MCF2L2: variants seen among roughly 807,000 people sequenced by gnomAD.
The protein encoded by MCF2L2 is MCF.2 cell line derived transforming sequence-like 2, also known as probable guanine nucleotide exchange factor MCF2L2.
In MCF2L2, 102 loss-of-function variants were observed where a neutral mutation model predicts 150.2. The ratio of observed to expected loss-of-function variants is 0.68; its 90% CI spans 0.58 to 0.80. The LOEUF is 0.80. MCF2L2 is among the 30% of genes least tolerant of loss of function. The pLI is 0.00. For missense variants in MCF2L2, 1,256 were observed against 1,372.8 expected (o/e 0.91, Z 1.34); for synonymous variants, 465 against 491.3 (o/e 0.95, Z 0.71).
At chr3:183,232,778 A>G (rs896723255) in intron 15 of MCF2L2, among the ~76,000 whole-genome samples, 3 of 152,232 alleles carry the variant, frequency 2.0e-5, no homozygotes, top group Admixed American at 6.5e-5. Context: ...ATATTTTAAA[A>G]GAGCAACAAT....
At chr3:183,263,881 T>C (rs564586375) in intron 15 of MCF2L2, among the ~76,000 whole-genome samples, 1 of 152,282 alleles carries the variant, frequency 6.6e-6, no homozygotes, top group African/African-American at 2.4e-5. Context: ...TGCTAGGTCT[T>C]TGATTTTCTT....
At chr3:183,278,912 G>A (rs2314731) in intron 14 of MCF2L2, among the ~76,000 whole-genome samples, 3,923 of 152,230 alleles carry the variant, frequency 0.026, 175 homozygotes, top group African/African-American at 0.087. Flanking sequence ...GCCTTGGCAC[G>A]TTGCTCTGCT....
intron 12 of MCF2L2, among the ~76,000 whole-genome samples, chr3:183,295,992 G>A (rs1232731915): frequency 6.6e-6 from 1 of 152,136 alleles, no homozygotes; most frequent in Non-Finnish European, 1.5e-5. Context: ...AGAATACAAT[G>A]TGGCTTGTGT....
chr3:183,238,127 G>A (rs1046718065), intron 15 of MCF2L2, among the ~76,000 whole-genome samples: 1 of 151,598 alleles, frequency 6.6e-6, no homozygotes, highest in African/African-American at 2.4e-5. Context: ...CCAACTATGT[G>A]GTCAATTTTG....
At chr3:183,355,451 CTT>C (rs1168575988) in intron 3 of MCF2L2, among the ~76,000 whole-genome samples, 24 of 141,282 alleles carry the variant, frequency 1.7e-4, no homozygotes, top group Non-Finnish European at 2.3e-4. Flanking sequence ...AATTCCTTTC[CTT>C]TTTTTTTTTT....
chr3:183,351,230 ATATATATT>A (rs1299186477), intron 3 of MCF2L2, among the ~76,000 whole-genome samples: 19 of 79,252 alleles, frequency 2.4e-4, no homozygotes, highest in South Asian at 4.3e-4. Flanking sequence ...ATATATATAT[ATATATATT>A]TATTTATTTA....
chr3:183,383,896 G>A (rs1713680327), intron 2 of MCF2L2, among the ~76,000 whole-genome samples: 1 of 152,156 alleles, frequency 6.6e-6, no homozygotes, highest in Admixed American at 6.5e-5. Context: ...AAATGACTGT[G>A]ACAAGTTCAA....
intron 25 of MCF2L2, among the ~76,000 whole-genome samples, chr3:183,199,533 C>T (rs1227505633): frequency 1.3e-5 from 2 of 151,976 alleles, no homozygotes; most frequent in African/African-American, 2.4e-5. Flanking sequence ...AAAACCCGTC[C>T]CCAAATTCTC....
At chr3:183,259,985 G>A (rs1725438481) in intron 15 of MCF2L2, among the ~76,000 whole-genome samples, 1 of 152,114 alleles carries the variant, frequency 6.6e-6, no homozygotes, top group Non-Finnish European at 1.5e-5. Context: ...TCCATCTTGG[G>A]TTGCTTCTCT....
chr3:183,216,088 GC>G lies in MCF2L2; in HGVS notation c.2376del (p.Pro793GlnfsTer19). On this transcript the variant is annotated frameshift_variant, in exon 22 of 30. Coordinates refer to ENST00000328913, the MANE Select transcript of MCF2L2 (RefSeq NM_015078.4). LOFTEE classifies it high-confidence loss of function. ...PGELGGSAKD[G>X]PKRTKDSAFS... is the part of the protein sequence containing the mutation. ...AATGCTGAATCTTTGGTTCTCTTTG[GC>G]CCATCCTGTGGAAAACAAATGCCTT... The G allele has an allele frequency of 6.2e-7, 1 of 1,613,204 alleles. No homozygotes were observed. The highest frequency in any genetic ancestry group is 8.5e-7 in the Non-Finnish European group (1 of 1,179,606).
At chr3:183,387,181 C>T (rs1345272300) in intron 2 of MCF2L2, among the ~76,000 whole-genome samples, 1 of 151,414 alleles carries the variant, frequency 6.6e-6, no homozygotes, top group African/African-American at 2.4e-5. Context: ...AGGAGGATCA[C>T]TTGAGCCTGG....
At chr3:183,326,844 A>G (rs1210039931) in intron 5 of MCF2L2, among the ~76,000 whole-genome samples, 1 of 152,068 alleles carries the variant, frequency 6.6e-6, no homozygotes. Context: ...CCCACCCCCA[A>G]AATCCCTCCC....
At chr3:183,292,475 C>T (rs188365034) in intron 13 of MCF2L2, among the ~76,000 whole-genome samples, 15 of 151,144 alleles carry the variant, frequency 9.9e-5, no homozygotes, top group African/African-American at 2.4e-4. Context: ...CTCTTTATTC[C>T]GAAGAGAAAT....
chr3:183,397,273 C>T (rs567372591), intron 1 of MCF2L2, among the ~76,000 whole-genome samples: 1 of 152,278 alleles, frequency 6.6e-6, no homozygotes, highest in East Asian at 1.9e-4. Context: ...GCCAAGGCAC[C>T]AGCAGGTTCC....
At chr3:183,302,136 G>T (rs1476873417) in intron 10 of MCF2L2, among the ~76,000 whole-genome samples, 1 of 152,168 alleles carries the variant, frequency 6.6e-6, no homozygotes, top group Non-Finnish European at 1.5e-5. Context: ...ACAGACGGGG[G>T]CAGGAAGTAT....
intron 3 of MCF2L2, among the ~76,000 whole-genome samples, chr3:183,356,217 T>TA (rs202092489): frequency 0.096 from 13,239 of 138,256 alleles, 1,471 homozygotes; most frequent in African/African-American, 0.27. Flanking sequence ...CTCTTTATTA[T>TA]AAAAAAAAAA....
intron 15 of MCF2L2, chr3:183,272,230 A>C: frequency 2.0e-6 from 2 of 1,000,206 alleles, no homozygotes; most frequent in Non-Finnish European, 2.4e-6. Context: ...AGCAGGATAA[A>C]AATGTGGCTA....
At chr3:183,396,448 T>C (rs1379794855) in intron 1 of MCF2L2, among the ~76,000 whole-genome samples, 8 of 152,228 alleles carry the variant, frequency 5.3e-5, no homozygotes, top group African/African-American at 1.4e-4. Context: ...CTCTTAGTTT[T>C]CTTTTGGTAA....
At chr3:183,322,717 A>T (rs955315799) in intron 6 of MCF2L2, among the ~76,000 whole-genome samples, 1 of 152,148 alleles carries the variant, frequency 6.6e-6, no homozygotes, top group Non-Finnish European at 1.5e-5. Context: ...GGTTTGGGGT[A>T]CAGTTGATCC....
Sources: gnomAD v4.1 joint callset for allele counts (sites outside exome capture counted in the v4.1 genomes callset) on GRCh38, gnomAD v4.1.1 for gene constraint, MANE v1.5 for transcripts, NCBI Gene and HGNC (gene_info 2026-07-23, HGNC 2026-07-21) for gene names.